The following CNTN5 variants were observed in gnomAD, a reference collection of about 807,000 sequenced individuals.
CNTN5 encodes the protein contactin-5.
In CNTN5, 77 loss-of-function variants were observed where a neutral mutation model predicts 129.1. That is an observed-to-expected ratio of 0.60 (90% CI 0.50 to 0.72). The LOEUF (loss-of-function observed/expected upper bound fraction) is 0.72. CNTN5 is among the 30% of genes least tolerant of loss of function. The pLI is 0.00. For missense variants in CNTN5, 1,478 were observed against 1,328.8 expected (o/e 1.11, Z -1.75); for synonymous variants, 509 against 465.6 (o/e 1.09, Z -1.20).
Position 100,065,881 on chromosome 11 carries a change from G to A in CNTN5, c.1162+4488G>A, listed in dbSNP as rs1476641120. ...TTCTTTTCTTCAAAATACTGTTTAT[G>A]TACGTTAGGTCTGATCTTTAAAGAT... On this transcript the variant is annotated intron_variant, in intron 10 of 24. Coordinates refer to ENST00000524871, the MANE Select transcript of CNTN5 (RefSeq NM_014361.4). 2.0e-5 allele frequency among the ~76,000 whole-genome samples: 3 copies of A among 151,836 alleles called. No individual in the cohort carries two copies. In the East Asian group the frequency reaches 5.8e-4, roughly 29 times the overall value.
At chr11:99,790,835 T>C (rs1402978452) in intron 3 of CNTN5, among the ~76,000 whole-genome samples, 1 of 152,136 alleles carries the variant, frequency 6.6e-6, no homozygotes, top group Non-Finnish European at 1.5e-5. Flanking sequence ...AGCATGTTAT[T>C]TTTTTGACAT....
At chr11:99,220,781 T>C (rs1232828384) in intron 1 of CNTN5, among the ~76,000 whole-genome samples, 1 of 151,970 alleles carries the variant, frequency 6.6e-6, no homozygotes, top group African/African-American at 2.4e-5. Flanking sequence ...TATTGTGTTG[T>C]GTTCTCTTAA....
At chr11:99,197,481 T>C (rs1858961388) in intron 1 of CNTN5, among the ~76,000 whole-genome samples, 1 of 152,092 alleles carries the variant, frequency 6.6e-6, no homozygotes, top group South Asian at 2.1e-4. Flanking sequence ...AACTTACATA[T>C]ATTTTTATGT....
intron 1 of CNTN5, among the ~76,000 whole-genome samples, chr11:99,178,476 A>C (rs1857890535): frequency 6.7e-6 from 1 of 149,334 alleles, no homozygotes; most frequent in African/African-American, 2.4e-5. Flanking sequence ...AGCTGTCATC[A>C]CACCACTGTA....
chr11:99,626,692 G>A (rs978163463), intron 3 of CNTN5, among the ~76,000 whole-genome samples: 15 of 151,978 alleles, frequency 9.9e-5, no homozygotes, highest in Admixed American at 9.2e-4. Flanking sequence ...AACATGAATC[G>A]CTGACATTTT....
At chr11:100,142,950 C>A (rs919406779) in intron 13 of CNTN5, among the ~76,000 whole-genome samples, 1 of 151,998 alleles carries the variant, frequency 6.6e-6, no homozygotes, top group African/African-American at 2.4e-5. Context: ...GTTTCATGCA[C>A]CAAATTATTT....
chr11:100,199,169 G>A (rs1488698113), intron 15 of CNTN5, among the ~76,000 whole-genome samples: 1 of 151,832 alleles, frequency 6.6e-6, no homozygotes, highest in East Asian at 1.9e-4. Context: ...GCGAAGTCCT[G>A]GAGCCATTTC....
intron 3 of CNTN5, among the ~76,000 whole-genome samples, chr11:99,624,299 A>T (rs1371064057): frequency 6.6e-6 from 1 of 152,108 alleles, no homozygotes; most frequent in African/African-American, 2.4e-5. Context: ...TTTCAAATAA[A>T]AGTACGGCCT....
intron 3 of CNTN5, among the ~76,000 whole-genome samples, chr11:99,658,432 C>A (rs1167516310): frequency 6.6e-6 from 1 of 151,886 alleles, no homozygotes; most frequent in East Asian, 1.9e-4. Context: ...ATTTTATATT[C>A]CAGTTTTTTC....
At chr11:99,343,304 T>C (rs1012059441) in intron 2 of CNTN5, among the ~76,000 whole-genome samples, 2 of 152,206 alleles carry the variant, frequency 1.3e-5, no homozygotes, top group African/African-American at 2.4e-5. Context: ...AGAATAGGTA[T>C]GTGTTGCTCC....
intron 1 of CNTN5, among the ~76,000 whole-genome samples, chr11:99,080,493 C>T (rs1251457102): frequency 3.3e-5 from 5 of 152,162 alleles, no homozygotes; most frequent in African/African-American, 1.2e-4. Flanking sequence ...TTGCCACAGT[C>T]CACTGCGTCA....
chr11:99,260,912 G>A (rs1862596585), intron 1 of CNTN5, among the ~76,000 whole-genome samples: 1 of 151,844 alleles, frequency 6.6e-6, no homozygotes, highest in African/African-American at 2.4e-5. Context: ...AAACTCTTCG[G>A]AAGCAAGATG....
chr11:99,738,617 G>A (rs1203588094), intron 3 of CNTN5, among the ~76,000 whole-genome samples: 1 of 66,424 alleles, frequency 1.5e-5, no homozygotes, highest in Non-Finnish European at 3.1e-5. Flanking sequence ...AGACAGTAAC[G>A]TGTGTGTGTG....
chr11:100,205,541 C>T (rs1358682494), intron 15 of CNTN5, among the ~76,000 whole-genome samples: 1 of 151,938 alleles, frequency 6.6e-6, no homozygotes, highest in Non-Finnish European at 1.5e-5. Context: ...AAGCATGACA[C>T]CATTTTATTT....
At chr11:99,832,302 CA>C (rs1947167416) in intron 4 of CNTN5, among the ~76,000 whole-genome samples, 1 of 152,112 alleles carries the variant, frequency 6.6e-6, no homozygotes, top group South Asian at 2.1e-4. Flanking sequence ...CCCAACGAGG[CA>C]AAAACTGTAA....
At chr11:99,442,359 C>T (rs2726405) in intron 2 of CNTN5, among the ~76,000 whole-genome samples, 6,927 of 151,924 alleles carry the variant, frequency 0.046, 232 homozygotes, top group Non-Finnish European at 0.071. Context: ...TAGTAGAGAC[C>T]GGGTTTCACC....
At chr11:99,788,350 C>G (rs1945612321) in intron 3 of CNTN5, among the ~76,000 whole-genome samples, 1 of 151,826 alleles carries the variant, frequency 6.6e-6, no homozygotes, top group Admixed American at 6.6e-5. Flanking sequence ...AAGTTAAAAA[C>G]TGTCTTGGGC....
intron 9 of CNTN5, among the ~76,000 whole-genome samples, chr11:100,022,550 G>A (rs698698): frequency 0.8 from 121,369 of 152,182 alleles, 49,125 homozygotes; most frequent in East Asian, 1. Context: ...TAAACAGCTG[G>A]TTAATCTTTC....
rs765773786 is a variant in CNTN5, at chr11:100,061,323, A to G, written c.1092A>G (p.Ala364=). Residue 364 remains alanine (A), a synonymous_variant, in exon 10 of 25, where the codon GCA becomes GCG. Coordinates refer to ENST00000524871, the MANE Select transcript of CNTN5 (RefSeq NM_014361.4). ...LEIPNVQLDD[A]GIYECRAENS... ...TACCGAATGTACAGCTGGATGATGCAGGCATTTATGAGTGCAGAGCTGAAA... is the reference window on the plus strand; with the variant it reads ...TACCGAATGTACAGCTGGATGATGCGGGCATTTATGAGTGCAGAGCTGAAA... 6.2e-7 allele frequency: 1 copy of G among 1,613,322 alleles called. No individual in the cohort carries two copies. The highest frequency in any genetic ancestry group is 1.3e-5 in the African/African-American group (1 of 74,924).
Sources: allele counts gnomAD v4.1 joint callset (sites outside exome capture counted in the v4.1 genomes callset), GRCh38; gene constraint gnomAD v4.1.1; transcripts MANE v1.5; gene names NCBI Gene and HGNC (gene_info 2026-07-23, HGNC 2026-07-21).